EIF2S1: variants seen among roughly 807,000 people sequenced by gnomAD.
EIF2S1 encodes the protein eukaryotic translation initiation factor 2 subunit 1.
EIF2S1 carries 5 observed loss-of-function variants against 33.5 expected under a neutral mutation model. The ratio of observed to expected loss-of-function variants is 0.15; its 90% confidence interval spans 0.08 to 0.31. The LOEUF (loss-of-function observed/expected upper bound fraction) is 0.31, where lower values mean the gene tolerates loss of function less well. Ranked by LOEUF, EIF2S1 falls within the 10% of genes least tolerant of loss-of-function variation. EIF2S1 has a pLI of 1.00. For missense variants in EIF2S1, 191 were observed against 384.6 expected, an observed-to-expected ratio of 0.50 and a Z score of 4.21; for synonymous variants, 99 against 127.5, an observed-to-expected ratio of 0.78 and a Z score of 1.51.
intron 7 of EIF2S1, 67 bp downstream of exon 7, chr14:67,382,657 A>G (rs2085894196): frequency 6.4e-7 from 1 of 1,568,056 alleles, no homozygotes; most frequent in Non-Finnish European, 8.8e-7. Context: ...TTGTAGGTAA[A>G]TAAGAGCTGT....
rs1405013121 is a variant in EIF2S1, at chr14:67,385,268, C to A, written c.*1828C>A. ...ACCCAGTTCTGAATAACTTGAAGAA[C>A]AGGCTTGGCAAAGAAGTAAGTTTAT... On this transcript the variant is annotated 3_prime_UTR_variant, in exon 8 of 8. Transcript: ENST00000256383. 1 of 152,146 alleles carries A rather than the reference C, an allele frequency of 6.6e-6. No individual in the cohort carries two copies. Among genetic ancestry groups the A allele is most frequent in the African/African-American group, 2.4e-5 (1 of 41,428 alleles). 9.4% of individuals were successfully genotyped at this position (152,146 alleles called of 1,614,324 possible).
At chr14:67,367,060 A>G (rs981858391) in intron 2 of EIF2S1, among the ~76,000 whole-genome samples, 1 of 152,140 alleles carries the variant, frequency 6.6e-6, no homozygotes, top group Non-Finnish European at 1.5e-5. Flanking sequence ...CCCTAAGTCT[A>G]TATAAATTCT....
At chr14:67,364,082 C>G (rs1305706021) in intron 1 of EIF2S1, 1 of 151,914 alleles carries the variant, frequency 6.6e-6, no homozygotes, top group Non-Finnish European at 1.5e-5. Flanking sequence ...AAGCTATTCT[C>G]AAGATTAGGT....
chr14:67,368,825 C>T (rs867211613), intron 2 of EIF2S1, among the ~76,000 whole-genome samples: 2 of 151,908 alleles, frequency 1.3e-5, no homozygotes, highest in Non-Finnish European at 2.9e-5. Context: ...TAGTTCAAGA[C>T]CAGCCTGGGC....
intron 3 of EIF2S1, among the ~76,000 whole-genome samples, chr14:67,376,110 T>C (rs2085856671): frequency 6.6e-6 from 1 of 152,156 alleles, no homozygotes. Flanking sequence ...TGTATTTGTA[T>C]AGCCGTTTTC....
chr14:67,364,063 T>C (rs781224553), intron 1 of EIF2S1: 2 of 152,182 alleles, frequency 1.3e-5, no homozygotes, highest in Non-Finnish European at 2.9e-5. Context: ...TTTGTAGTAA[T>C]GGAGATTAAA....
intron 4 of EIF2S1, among the ~76,000 whole-genome samples, chr14:67,379,137 T>C (rs1388948752): frequency 6.6e-6 from 1 of 152,214 alleles, no homozygotes; most frequent in Non-Finnish European, 1.5e-5. Context: ...TAATTTTCCC[T>C]TCTGTGCCAT....
intron 2 of EIF2S1, among the ~76,000 whole-genome samples, chr14:67,372,690 T>C (rs775260931): frequency 6.6e-6 from 1 of 151,932 alleles, no homozygotes; most frequent in Non-Finnish European, 1.5e-5. Context: ...TTAGCGGGCA[T>C]AGTGGTGCGT....
At chr14:67,361,298 A>G (rs2085738261) in intron 1 of EIF2S1, among the ~76,000 whole-genome samples, 1 of 152,250 alleles carries the variant, frequency 6.6e-6, no homozygotes, top group Non-Finnish European at 1.5e-5. Context: ...TTATTCAAGG[A>G]ACAATCTCTG....
intron 2 of EIF2S1, among the ~76,000 whole-genome samples, chr14:67,365,950 T>G (rs971409766): frequency 6.6e-6 from 1 of 152,218 alleles, no homozygotes; most frequent in South Asian, 2.1e-4. Context: ...ATGGATTGTT[T>G]TAAATGTTTT....
At position 67,385,003 on chromosome 14, in the gene EIF2S1, T is replaced by G. The variant is rs927521034; in HGVS notation, c.*1563T>G. On this transcript the variant is annotated 3_prime_UTR_variant, in exon 8 of 8. Coordinates refer to ENST00000256383, the MANE Select transcript of EIF2S1 (RefSeq NM_004094.5). ...TCTTTTGATTTTGTTTACTGAAATT[T>G]GTTATACTTCAAAAGCCATAACTTG... 1.3e-5 allele frequency: 2 copies of G among 152,226 alleles called. No individual in the cohort carries two copies. Among genetic ancestry groups the G allele is most frequent in the African/African-American group, 4.8e-5 (2 of 41,460 alleles). 9.4% of individuals were successfully genotyped at this position (152,226 alleles called of 1,614,324 possible).
At position 67,384,025 on chromosome 14, in the gene EIF2S1, A is replaced by C. The variant is rs1281644078; in HGVS notation, c.*585A>C. ...AAGAGTTTTAGAGAAAATAAATTTAACTTTAACCACAGTGAAAGTTGACCC... is the reference window on the plus strand; with the variant it reads ...AAGAGTTTTAGAGAAAATAAATTTACCTTTAACCACAGTGAAAGTTGACCC... On this transcript the variant is annotated 3_prime_UTR_variant, in exon 8 of 8. Coordinates refer to ENST00000256383, the MANE Select transcript of EIF2S1 (RefSeq NM_004094.5). 3.2e-5 allele frequency: 5 copies of C among 157,240 alleles called. No homozygotes were observed. Among genetic ancestry groups the C allele is most frequent in the Non-Finnish European group, 5.6e-5 (4 of 71,028 alleles). 9.7% of individuals were successfully genotyped at this position (157,240 alleles called of 1,614,324 possible).
At chr14:67,365,181 C>T (rs1156702030) in intron 2 of EIF2S1, among the ~76,000 whole-genome samples, 173 bp downstream of exon 2, 1 of 152,084 alleles carries the variant, frequency 6.6e-6, no homozygotes, top group Non-Finnish European at 1.5e-5. Context: ...TAAGCAAGAT[C>T]TCTTAATAGT....
At chr14:67,382,112 A>G (rs2085890452) in intron 6 of EIF2S1, among the ~76,000 whole-genome samples, 1 of 152,120 alleles carries the variant, frequency 6.6e-6, no homozygotes, top group African/African-American at 2.4e-5. Flanking sequence ...CCATCAGTTT[A>G]GTTCAGAGAC....
In EIF2S1 at chr14:67,382,600, A is replaced by G; in HGVS notation, c.822+10A>G. 1 of 1,613,798 alleles carries G rather than the reference A, an allele frequency of 6.2e-7. No individual in the cohort carries two copies. The highest frequency in any genetic ancestry group is 8.5e-7 in the Non-Finnish European group (1 of 1,179,756). Reference sequence around the variant, plus strand: ...CAATGTTCAAATGGAGGTGAGATCAATAGATTCATTTTTAATAATGACTCA... The same window carrying G: ...CAATGTTCAAATGGAGGTGAGATCAGTAGATTCATTTTTAATAATGACTCA... On this transcript the variant is annotated intron_variant, in intron 7 of 7. Transcript: ENST00000256383.
rs536467432 is a variant in EIF2S1, at chr14:67,383,714, A to G, written c.*274A>G. 1.8e-5 allele frequency: 7 copies of G among 378,386 alleles called. No homozygotes were observed. The highest frequency in any genetic ancestry group is 1.1e-4 in the Admixed American group (3 of 27,022). The allele number at this position is 378,386 out of a possible 1,614,324, so 23.4% of individuals were successfully genotyped here. A position where few individuals can be genotyped will look rare whatever the true frequency, so the allele number is the denominator to read the frequency against. ...GAATAGTTCTAAAATTGGGCTTGTG[A>G]TTTCCATTTCTGATGTCTCCAGATT... On this transcript the variant is annotated 3_prime_UTR_variant, in exon 8 of 8. Coordinates refer to ENST00000256383, the MANE Select transcript of EIF2S1 (RefSeq NM_004094.5).
chr14:67,366,701 T>C (rs79024611), intron 2 of EIF2S1, among the ~76,000 whole-genome samples: 3,161 of 152,314 alleles, frequency 0.021, 43 homozygotes, highest in Middle Eastern at 0.034. Flanking sequence ...TAGAGAATTA[T>C]GTCCTCCTAG....
In EIF2S1 at chr14:67,365,105, A is replaced by G. The variant is rs537221835; in HGVS notation, c.241+97A>G. 3.0e-6 allele frequency: 4 copies of G among 1,343,008 alleles called. No homozygotes were observed. The South Asian group carries it at 6.3e-5, about 21-fold the overall frequency. The allele number at this position is 1,343,008 out of a possible 1,614,324, so 83.2% of individuals were successfully genotyped here. A position where few individuals can be genotyped will look rare whatever the true frequency, so the allele number is the denominator to read the frequency against. On this transcript the variant is annotated intron_variant, in intron 2 of 7. Coordinates refer to ENST00000256383, the MANE Select transcript of EIF2S1 (RefSeq NM_004094.5). ...AATTGCAAGCTGCAGCTTAAAAAAA[A>G]AAGCTCCTTTTATACTTAAACCTTT...
chr14:67,382,671 C>T, intron 7 of EIF2S1, 81 bp downstream of exon 7: 1 of 1,504,950 alleles, frequency 6.6e-7, no homozygotes, highest in Non-Finnish European at 9.2e-7. Context: ...GAGCTGTCGG[C>T]CTTGGAATGT....
Sources: gnomAD v4.1 joint callset for allele counts (sites outside exome capture counted in the v4.1 genomes callset) on GRCh38, gnomAD v4.1.1 for gene constraint, MANE v1.5 for transcripts, NCBI Gene and HGNC (gene_info 2026-07-23, HGNC 2026-07-21) for gene names.